Variants in HS6ST1 observed in about 807,000 individuals in gnomAD.
The protein encoded by HS6ST1 is heparan sulfate 6-O-sulfotransferase 1.
Under a neutral mutation model 25.2 loss-of-function variants are expected in HS6ST1, and 3 were observed. That is an observed-to-expected ratio of 0.12 (90% CI 0.05 to 0.31). The LOEUF is 0.31. Ranked by LOEUF, HS6ST1 falls within the 10% of genes least tolerant of loss-of-function variation. The pLI is 1.00. For synonymous variants in HS6ST1, 204 were observed against 275.1 expected (o/e 0.74, Z 2.56); for missense variants, 310 against 609.6 (o/e 0.51, Z 5.18).
chr2:128,300,232 G>A (rs1694103064), intron 1 of HS6ST1, among the ~76,000 whole-genome samples: 1 of 152,226 alleles, frequency 6.6e-6, no homozygotes. Context: ...GGACGAGGCT[G>A]TGCAGGAGGC....
intron 1 of HS6ST1, among the ~76,000 whole-genome samples, chr2:128,295,959 G>A (rs1377606998): frequency 1.3e-5 from 2 of 152,246 alleles, no homozygotes; most frequent in East Asian, 3.8e-4. Context: ...GCATTTGGAG[G>A]TGGCGACTCT....
intron 1 of HS6ST1, among the ~76,000 whole-genome samples, chr2:128,311,592 CCA>C (rs993318727): frequency 1.4e-4 from 21 of 152,202 alleles, no homozygotes; most frequent in African/African-American, 5.1e-4. Context: ...TAGAAACACC[CCA>C]CAGTCTTTCA....
rs575037529 is a variant in HS6ST1, at chr2:128,266,723, C to T, written c.*1439G>A. 2 of 152,476 alleles carry T rather than the reference C, an allele frequency of 1.3e-5. No homozygotes were observed. Among genetic ancestry groups the T allele is most frequent in the South Asian group, 4.1e-4 (2 of 4,830 alleles). 9.4% of individuals were successfully genotyped at this position (152,476 alleles called of 1,614,324 possible). On this transcript the variant is annotated 3_prime_UTR_variant, in exon 2 of 2. Coordinates refer to ENST00000259241, the MANE Select transcript of HS6ST1 (RefSeq NM_004807.3). ...CCCTACCTCTGAGTCAGCCTGCGGC[C>T]TGAGCACACCAATCTACTCTCTGGG... is the stretch of plus-strand genomic sequence containing the variant.
chr2:128,277,357 T>C (rs1357215421), intron 1 of HS6ST1, among the ~76,000 whole-genome samples: 4 of 152,178 alleles, frequency 2.6e-5, no homozygotes, highest in South Asian at 2.1e-4. Flanking sequence ...ATACGTGCCA[T>C]GTACTGGGAC....
rs1318074254 is a variant in HS6ST1 at position 128,267,077 on chromosome 2, A to AGC, written c.*1083_*1084dup. 1 of 152,232 alleles carries AGC rather than the reference A, an allele frequency of 6.6e-6. No individual in the cohort carries two copies. The highest frequency in any genetic ancestry group is 1.5e-5 in the Non-Finnish European group (1 of 68,068). The allele number at this position is 152,232 out of a possible 1,614,324, so 9.4% of individuals were successfully genotyped here. On this transcript the variant is annotated 3_prime_UTR_variant, in exon 2 of 2. Coordinates refer to ENST00000259241, the MANE Select transcript of HS6ST1 (RefSeq NM_004807.3). The stretch of plus-strand genomic sequence containing the variant: ...CGAGTCCCAGTTCCTGGCCATACAG[A>AGC]GCCACTGTGGTCCGAGGGTACGGCT...
chr2:128,316,054 C>T (rs933512874), intron 1 of HS6ST1, among the ~76,000 whole-genome samples: 4 of 152,230 alleles, frequency 2.6e-5, no homozygotes, highest in East Asian at 1.9e-4. Context: ...GAGGCATCTG[C>T]GTTTTCCATT....
In HS6ST1 at chr2:128,300,298, C is replaced by T. The variant is rs547243196; in HGVS notation, c.527+17739G>A. On this transcript the variant is annotated intron_variant, in intron 1 of 1. Transcript: ENST00000259241. The stretch of plus-strand genomic sequence containing the variant: ...GCCTGCAGCCCCAGGACACAGCTAC[C>T]ATCCCTACCTGGACCCTGGCAGGGA... Among the ~76,000 whole-genome samples, 6 of 152,294 alleles carry T rather than the reference C, an allele frequency of 3.9e-5. No individual in the cohort carries two copies. In the South Asian group the frequency reaches 1.2e-3, roughly 32 times the overall value.
rs112560165 is a variant in HS6ST1, at chr2:128,298,418, AGTC to A, written c.527+19616_527+19618del. Among the ~76,000 whole-genome samples the A allele has an allele frequency of 6.1e-3, 923 of 152,342 alleles. 9 individuals carry two copies. The highest frequency in any genetic ancestry group is 0.021 in the African/African-American group (892 of 41,568). On this transcript the variant is annotated intron_variant, in intron 1 of 1. Transcript: ENST00000259241. Reference sequence around the variant, plus strand: ...CAATAGCAAGAAGGGAGCAGCCAAGAGTCCACTGACAGATGAAGGGATGATGAG... The same window carrying A: ...CAATAGCAAGAAGGGAGCAGCCAAGACACTGACAGATGAAGGGATGATGAG...
At chr2:128,304,409 G>A (rs1406537036) in intron 1 of HS6ST1, among the ~76,000 whole-genome samples, 1 of 152,206 alleles carries the variant, frequency 6.6e-6, no homozygotes, top group East Asian at 1.9e-4. Context: ...TGAGAGGAGG[G>A]CCTCTAGCCC....
intron 1 of HS6ST1, among the ~76,000 whole-genome samples, chr2:128,300,295 T>C (rs1326388631): frequency 6.6e-6 from 1 of 152,038 alleles, no homozygotes; most frequent in Non-Finnish European, 1.5e-5. Flanking sequence ...AGGACACAGC[T>C]ACCATCCCTA....
intron 1 of HS6ST1, among the ~76,000 whole-genome samples, chr2:128,289,137 C>T (rs924831230): frequency 6.6e-6 from 1 of 152,142 alleles, no homozygotes; most frequent in African/African-American, 2.4e-5. Context: ...ATAAGCCATT[C>T]TGTGCCCAAG....
intron 1 of HS6ST1, among the ~76,000 whole-genome samples, chr2:128,291,602 A>G (rs567629856): frequency 1.3e-5 from 2 of 152,350 alleles, no homozygotes; most frequent in South Asian, 4.1e-4. Flanking sequence ...TGGGTCCTCC[A>G]CAGGCTGACG....
chr2:128,269,720 G>A (rs1488677876), intron 1 of HS6ST1, among the ~76,000 whole-genome samples: 1 of 152,212 alleles, frequency 6.6e-6, no homozygotes, highest in African/African-American at 2.4e-5. Context: ...GCTGGGGTGG[G>A]TGGGCTTCAG....
intron 1 of HS6ST1, among the ~76,000 whole-genome samples, chr2:128,279,163 C>T (rs1573693213): frequency 2.0e-5 from 3 of 152,082 alleles, no homozygotes; most frequent in East Asian, 1.9e-4. Context: ...CTCCCATGCC[C>T]GAAGCTGATG....
chr2:128,308,476 T>G (rs1252585442), intron 1 of HS6ST1, among the ~76,000 whole-genome samples: 4 of 152,130 alleles, frequency 2.6e-5, no homozygotes, highest in African/African-American at 9.7e-5. Context: ...GGGTTCCTCT[T>G]GGTTGGGTCT....
At chr2:128,293,103 C>G (rs1054572073) in intron 1 of HS6ST1, among the ~76,000 whole-genome samples, 8 of 152,200 alleles carry the variant, frequency 5.3e-5, no homozygotes, top group African/African-American at 1.9e-4. Flanking sequence ...CACACCAGGC[C>G]TCCCTCCCCA....
chr2:128,278,758 A>G (rs1693734571), intron 1 of HS6ST1, among the ~76,000 whole-genome samples: 1 of 152,164 alleles, frequency 6.6e-6, no homozygotes, highest in South Asian at 2.1e-4. Flanking sequence ...AGATATATAC[A>G]TGTTCAGAAA....
intron 1 of HS6ST1, among the ~76,000 whole-genome samples, chr2:128,303,031 C>G (rs1694156798): frequency 6.6e-6 from 1 of 152,216 alleles, no homozygotes. Context: ...TTCTCTGGTC[C>G]CCCACAGTCT....
At chr2:128,302,918 C>G (rs1299572953) in intron 1 of HS6ST1, among the ~76,000 whole-genome samples, 1 of 152,220 alleles carries the variant, frequency 6.6e-6, no homozygotes, top group Non-Finnish European at 1.5e-5. Context: ...TCTTCTCCCC[C>G]GACGGCCTGC....
Sources: gnomAD v4.1 joint callset for allele counts (sites outside exome capture counted in the v4.1 genomes callset) on GRCh38, gnomAD v4.1.1 for gene constraint, MANE v1.5 for transcripts, NCBI Gene and HGNC (gene_info 2026-07-23, HGNC 2026-07-21) for gene names.